Variants in RAB17 observed in about 807,000 individuals in gnomAD.
RAB17 encodes ras-related protein Rab-17.
RAB17 carries 15 observed loss-of-function variants against 19.3 expected under a neutral mutation model. The ratio of observed to expected loss-of-function variants is 0.78; its 90% CI spans 0.52 to 1.20. The LOEUF is 1.20. RAB17 is among the 50% of genes most tolerant of loss of function. The pLI is 0.00. For missense variants in RAB17, 262 were observed against 269.3 expected, an observed-to-expected ratio of 0.97 and a Z score of 0.19; for synonymous variants, 110 against 112.8, an observed-to-expected ratio of 0.97 and a Z score of 0.16.
intron 4 of RAB17, chr2:237,576,752 C>T (rs995675254): frequency 1.5e-5 from 7 of 470,700 alleles, no homozygotes; most frequent in African/African-American, 4.0e-5. Context: ...CCTGGGTGAC[C>T]GCTGCCTCTG....
intron 1 of RAB17, among the ~76,000 whole-genome samples, chr2:237,590,031 T>A (rs77610542): frequency 0.037 from 5,574 of 152,220 alleles, 369 homozygotes; most frequent in African/African-American, 0.13. Flanking sequence ...GAAAACACAA[T>A]GTAGATTGTA....
chr2:237,581,102 G>A (rs540318661), intron 2 of RAB17, among the ~76,000 whole-genome samples: 3 of 152,054 alleles, frequency 2.0e-5, no homozygotes, highest in South Asian at 4.2e-4. Flanking sequence ...AAAAAATAAA[G>A]TTTTGGCTGG....
chr2:237,588,886 C>T (rs937452736), intron 1 of RAB17, among the ~76,000 whole-genome samples: 2 of 152,198 alleles, frequency 1.3e-5, no homozygotes, highest in African/African-American at 4.8e-5. Context: ...ATGCCGGCGT[C>T]TCATTCCTTT....
At position 237,586,132 on chromosome 2, in the gene RAB17, G is replaced by T; in HGVS notation, c.23C>A (p.Pro8His). The T allele has an allele frequency of 6.2e-7, 1 of 1,606,272 alleles. No homozygotes were observed. MAQAHRTPQPRAAPSQPR... is the reference protein window; with the variant it reads MAQAHRTHQPRAAPSQPR... ...CTGGCTGGGGGCAGCCCTGGGCTGGGGGGTCCTGTGTGCCTGTGCCATGCC... is the reference window on the plus strand; with the variant it reads ...CTGGCTGGGGGCAGCCCTGGGCTGGTGGGTCCTGTGTGCCTGTGCCATGCC... The change falls in exon 2 of 6, where the codon CCC becomes CAC. Residue 8 changes from proline to histidine, a missense_variant. Physicochemically the swap from Pro to His is moderately conservative, Grantham distance 77. Coordinates refer to ENST00000264601, the MANE Select transcript of RAB17 (RefSeq NM_022449.4).
intron 4 of RAB17, 125 bp from the exon 5 acceptor site, chr2:237,575,605 G>T (rs994623927): frequency 9.9e-6 from 7 of 707,500 alleles, no homozygotes; most frequent in Non-Finnish European, 1.4e-5. Context: ...TCCACGTTTC[G>T]TGTCCAAGTT....
In RAB17 at chr2:237,577,203, G is replaced by A. The variant is rs60038364; in HGVS notation, c.435+54C>T. The A allele has an allele frequency of 0.013, 20,520 of 1,568,956 alleles. 2,263 individuals are homozygous for A. In the African/African-American group the frequency reaches 0.24, roughly 18 times the overall value. ...TGAGTGCCAAGGTCTTGACACAGGC[G>A]GGCAGGGCTCTCTCCTGCTGTGGAA... is the stretch of plus-strand genomic sequence containing the variant. On this transcript the variant is annotated intron_variant, in intron 4 of 5. Transcript: ENST00000264601.
chr2:237,579,928 G>T (rs2081295973), intron 2 of RAB17, among the ~76,000 whole-genome samples: 1 of 152,222 alleles, frequency 6.6e-6, no homozygotes, highest in African/African-American at 2.4e-5. Flanking sequence ...GTCAAACAAA[G>T]CTGCAGTCTC....
chr2:237,577,204 G>GAC, intron 4 of RAB17, 53 bp downstream of exon 4: 1 of 1,570,910 alleles, frequency 6.4e-7, no homozygotes, highest in Non-Finnish European at 8.6e-7. Flanking sequence ...GACACAGGCG[G>GAC]GCAGGGCTCT....
chr2:237,589,269 A>C (rs941309742), intron 1 of RAB17, among the ~76,000 whole-genome samples: 6 of 152,164 alleles, frequency 3.9e-5, no homozygotes, highest in Non-Finnish European at 5.9e-5. Context: ...AATATAAAAG[A>C]AGCAGCTACC....
At chr2:237,589,715 T>C (rs1041532868) in intron 1 of RAB17, among the ~76,000 whole-genome samples, 6 of 152,194 alleles carry the variant, frequency 3.9e-5, no homozygotes, top group Admixed American at 2.0e-4. Flanking sequence ...GTGAAAGATG[T>C]TATTAGGTTG....
chr2:237,585,902 C>T lies in RAB17; in HGVS notation c.157+96G>A, dbSNP rs1054258211. The T allele has an allele frequency of 5.3e-5, 71 of 1,337,032 alleles. 2 individuals are homozygous for T. In the South Asian group the frequency reaches 1.0e-3, roughly 20 times the overall value. The allele number at this position is 1,337,032 out of a possible 1,614,324, so 82.8% of individuals were successfully genotyped here. On this transcript the variant is annotated intron_variant, in intron 2 of 5. Transcript: ENST00000264601. ...AGCTCAAGGTCCCAGCATGGGGATTCCTAGGTGGGCCTCGTCCCCATCTGC... is the reference window on the plus strand; with the variant it reads ...AGCTCAAGGTCCCAGCATGGGGATTTCTAGGTGGGCCTCGTCCCCATCTGC...
At chr2:237,577,455 CCA>C in intron 3 of RAB17, 73 bp from the exon 4 acceptor site, 4 of 1,491,340 alleles carry the variant, frequency 2.7e-6, no homozygotes, top group Non-Finnish European at 3.6e-6. Flanking sequence ...GAGGGGGAAG[CCA>C]GTGTTGCTGA....
intron 1 of RAB17, among the ~76,000 whole-genome samples, chr2:237,586,512 C>T (rs1574937980): frequency 6.6e-6 from 1 of 152,054 alleles, no homozygotes; most frequent in Admixed American, 6.6e-5. Context: ...ATTACTTGTC[C>T]CCAAAGTATC....
Position 237,586,136 on chromosome 2 carries a change from T to C in RAB17, c.19A>G (p.Thr7Ala). ...CTGGGGGCAGCCCTGGGCTGGGGGG[T>C]CCTGTGTGCCTGTGCCATGCCCTGC... Reference protein sequence around the residue: MAQAHRTPQPRAAPSQP... With the variant: MAQAHRAPQPRAAPSQP... Residue 7 changes from threonine to alanine, a missense_variant, in exon 2 of 6, where the codon ACC becomes GCC. Coordinates refer to ENST00000264601, the MANE Select transcript of RAB17 (RefSeq NM_022449.4). 3.7e-6 allele frequency: 6 copies of C among 1,602,236 alleles called. No individual in the cohort carries two copies. Among genetic ancestry groups the C allele is most frequent in the African/African-American group, 1.4e-5 (1 of 73,976 alleles).
At chr2:237,577,831 C>T in intron 3 of RAB17, 173 bp downstream of exon 3, 2 of 709,482 alleles carry the variant, frequency 2.8e-6, no homozygotes, top group Non-Finnish European at 4.7e-6. Context: ...GGAGCAGAAC[C>T]CCACTGTGGA....
At position 237,575,692 on chromosome 2, in the gene RAB17, C is replaced by G. The variant is rs2081256960; in HGVS notation, c.436-212G>C. On this transcript the variant is annotated intron_variant, in intron 4 of 5. Coordinates refer to ENST00000264601, the MANE Select transcript of RAB17 (RefSeq NM_022449.4). ...TCCCTGGAAGAGGCTCTTCCTCTAG[C>G]TGGCGGGGTGCGGCCTTCCTCCTCC... 8 of 533,714 alleles carry G rather than the reference C, an allele frequency of 1.5e-5. No individual in the cohort carries two copies. The South Asian group carries it at 1.8e-4, about 12-fold the overall frequency. 33.1% of individuals were successfully genotyped at this position (533,714 alleles called of 1,614,324 possible). A position where few individuals can be genotyped will look rare whatever the true frequency, so the allele number is the denominator to read the frequency against.
Position 237,586,170 on chromosome 2 carries a change from A to G in RAB17, c.-3-13T>C. 2 of 1,572,486 alleles carry G rather than the reference A, an allele frequency of 1.3e-6. No homozygotes were observed. Among genetic ancestry groups the G allele is most frequent in the East Asian group, 2.3e-5 (1 of 43,110 alleles). ...CCTGTGCCATGCCCTGCAAAGAATC[A>G]CAACCGTCTGAAGCAAGTGGAACAT... On this transcript the variant is annotated splice_polypyrimidine_tract_variant and intron_variant, in intron 1 of 5. Transcript: ENST00000264601.
chr2:237,581,403 A>T lies in RAB17; in HGVS notation c.158-3248T>A, dbSNP rs141663614. ...AAAAAAAAAAAAGTTCCTCTACTAA[A>T]TTTTATTTTTTTAATTTAATTTTAT... On this transcript the variant is annotated intron_variant, in intron 2 of 5. Coordinates refer to ENST00000264601, the MANE Select transcript of RAB17 (RefSeq NM_022449.4). Among the ~76,000 whole-genome samples, 325 of 151,890 alleles carry T rather than the reference A, an allele frequency of 2.1e-3. 1 individual carries two copies. Among genetic ancestry groups the T allele is most frequent in the African/African-American group, 7.5e-3 (310 of 41,428 alleles).
At chr2:237,576,608 G>A (rs72990117) in intron 4 of RAB17, 48,658 of 471,124 alleles carry the variant, frequency 0.1, 2,965 homozygotes, top group Non-Finnish European at 0.13. Context: ...GCCCTGAGTT[G>A]GGTCTTCCCC....
Sources: gnomAD v4.1 joint callset for allele counts (sites outside exome capture counted in the v4.1 genomes callset) on GRCh38, gnomAD v4.1.1 for gene constraint, MANE v1.5 for transcripts, NCBI Gene and HGNC (gene_info 2026-07-23, HGNC 2026-07-21) for gene names.